The following MED23 variants were observed in gnomAD, a reference collection of about 807,000 sequenced individuals.
MED23 encodes the protein mediator complex subunit 23.
Under a neutral mutation model 163.9 loss-of-function variants are expected in MED23, and 105 were observed. That is an observed-to-expected ratio of 0.64 (90% CI 0.55 to 0.75). MED23 has a LOEUF of 0.75. Among genes scored for constraint, MED23 ranks in the 30% least tolerant of loss-of-function variants. The pLI is 0.00. For missense variants in MED23, 1,054 were observed against 1,649.0 expected, an observed-to-expected ratio of 0.64 and a Z score of 6.25; for synonymous variants, 561 against 565.6, an observed-to-expected ratio of 0.99 and a Z score of 0.12.
In MED23 at chr6:131,594,272, G is replaced by A. The variant is rs940423410; in HGVS notation, c.3059C>T (p.Ala1020Val). 1 of 1,614,104 alleles carries A rather than the reference G, an allele frequency of 6.2e-7. No individual in the cohort carries two copies. The highest frequency in any genetic ancestry group is 1.7e-5 in the Admixed American group (1 of 60,018). ...HYYEMHLRDR[A>V]FLKRKLVHAI... ...ATGGACGAGTTTTCGTTTGAGAAAT[G>A]CGCGGTCTCTCAGGTGCATTTCATA... Residue 1020 changes from alanine to valine, a missense_variant, in exon 23 of 29, where the codon GCA (alanine) becomes GTA (valine). Coordinates refer to ENST00000368068, the MANE Select transcript of MED23 (RefSeq NM_004830.4).
chr6:131,595,878 A>G, intron 22 of MED23, 69 bp downstream of exon 22: 2 of 1,161,648 alleles, frequency 1.7e-6, no homozygotes, highest in Non-Finnish European at 2.6e-6. Flanking sequence ...CACTATTACC[A>G]TGTGGTCCTG....
At position 131,627,673 on chromosome 6, in the gene MED23, C is replaced by CTA. The variant is rs774089938; in HGVS notation, c.40-2_40-1insTA. 21 of 1,481,840 alleles carry CTA rather than the reference C, an allele frequency of 1.4e-5. No individual in the cohort carries two copies. The South Asian group carries it at 2.4e-4, about 17-fold the overall frequency. The allele number at this position is 1,481,840 out of a possible 1,614,324, so 91.8% of individuals were successfully genotyped here. On this transcript the variant is annotated splice_acceptor_variant, in intron 1 of 28. Transcript: ENST00000368068. LOFTEE classifies it high-confidence loss of function. ...AAGCCTCTTCTATAACTTCCGTTTT[C>CTA]TGTAAAAAAAAAAAAAACAAAATGT...
At chr6:131,586,633 A>G, downstream of MED23, 1 of 624,918 alleles carries the variant, frequency 1.6e-6, no homozygotes, top group Non-Finnish European at 2.2e-6. Flanking sequence ...GGCCAATGTC[A>G]GTCACCAACT....
chr6:131,578,256 C>T (rs1006687536), intron 30 of MED23, among the ~76,000 whole-genome samples: 2 of 151,218 alleles, frequency 1.3e-5, no homozygotes, highest in Non-Finnish European at 1.5e-5. Context: ...GGACTTGTCC[C>T]TTAACTGACA....
At chr6:131,613,009 CAGG>C (rs1365076141) in intron 10 of MED23, among the ~76,000 whole-genome samples, 2 of 152,126 alleles carry the variant, frequency 1.3e-5, no homozygotes, top group East Asian at 3.9e-4. Flanking sequence ...AATATCTATT[CAGG>C]AGAAGTTGGG....
At chr6:131,577,891 G>C (rs182374446) in intron 30 of MED23, among the ~76,000 whole-genome samples, 1 of 145,336 alleles carries the variant, frequency 6.9e-6, no homozygotes, top group African/African-American at 2.6e-5. Context: ...GCGACAGAGC[G>C]AGACTCCATC....
intron 22 of MED23, 146 bp from the exon 23 acceptor site, chr6:131,594,481 T>C (rs1774893626): frequency 1.4e-6 from 1 of 732,514 alleles, no homozygotes; most frequent in Non-Finnish European, 2.5e-6. Context: ...ATACTATGAA[T>C]ATTTTAATCT....
In MED23 at chr6:131,581,279, G is replaced by A. The variant is rs2114539596; in HGVS notation, c.4095+6430C>T. The A allele has an allele frequency of 1.9e-6, 3 of 1,613,838 alleles. No homozygotes were observed. Among genetic ancestry groups the A allele is most frequent in the Non-Finnish European group, 2.5e-6 (3 of 1,179,830 alleles). Reference sequence around the variant, plus strand: ...TCCACCCTGATCTTGGAGTCATCTGGGTGGATGCTCACACTGATATCAACA... The same window carrying A: ...TCCACCCTGATCTTGGAGTCATCTGAGTGGATGCTCACACTGATATCAACA... On this transcript the variant is annotated intron_variant, in intron 30 of 30. Transcript: ENST00000354577.
chr6:131,610,334 A>C, intron 10 of MED23, 88 bp from the exon 11 acceptor site: 1 of 1,263,410 alleles, frequency 7.9e-7, no homozygotes, highest in Non-Finnish European at 1.1e-6. Context: ...TTGTAACAAG[A>C]GGCTGAGAAG....
chr6:131,582,863 A>G, downstream of MED23: 1 of 776,346 alleles, frequency 1.3e-6, no homozygotes, highest in South Asian at 1.5e-5. Context: ...ATACATGTAC[A>G]TACATATGTA....
At chr6:131,627,727 C>A in intron 1 of MED23, 55 bp from the exon 2 acceptor site, 4 of 1,514,630 alleles carry the variant, frequency 2.6e-6, no homozygotes, top group Non-Finnish European at 3.6e-6. Context: ...AAAGGCGCCT[C>A]CCTTAGCCAA....
intron 30 of MED23, chr6:131,576,740 T>C: frequency 6.2e-7 from 1 of 1,612,218 alleles, no homozygotes; most frequent in Non-Finnish European, 8.5e-7. Context: ...AACAAGGTAA[T>C]TTTTAAGTTG....
At chr6:131,627,820 T>C (rs1777629314) in intron 1 of MED23, 148 bp from the exon 2 acceptor site, 1 of 1,052,302 alleles carries the variant, frequency 9.5e-7, no homozygotes, top group African/African-American at 1.6e-5. Context: ...TGTATCGATT[T>C]CAAAGGATAC....
chr6:131,591,056 C>T (rs1305299340), intron 26 of MED23, among the ~76,000 whole-genome samples: 1 of 151,460 alleles, frequency 6.6e-6, no homozygotes. Context: ...TCTTGGTTCA[C>T]TGCAATTTCC....
At chr6:131,576,296 T>C (rs2114517671) in intron 30 of MED23, among the ~76,000 whole-genome samples, 1 of 152,364 alleles carries the variant, frequency 6.6e-6, no homozygotes. Flanking sequence ...TTATTGGATC[T>C]CATCTACCAG....
intron 15 of MED23, 124 bp from the exon 16 acceptor site, chr6:131,603,328 T>A (rs1244146374): frequency 1.4e-5 from 12 of 880,356 alleles, no homozygotes; most frequent in Non-Finnish European, 2.0e-5. Context: ...CCCACACACA[T>A]ATATATTCTC....
In MED23 at chr6:131,606,476, T is replaced by G; in HGVS notation, c.1367+3A>C. 1 of 1,612,758 alleles carries G rather than the reference T, an allele frequency of 6.2e-7. No homozygotes were observed. ...ATTAAGTATCAAGCAACAAATAACTTACTCATGGTGAAGTCTTAGGGAATG... is the reference window on the plus strand; with the variant it reads ...ATTAAGTATCAAGCAACAAATAACTGACTCATGGTGAAGTCTTAGGGAATG... On this transcript the variant is annotated splice_donor_region_variant and intron_variant, in intron 13 of 28. Coordinates refer to ENST00000368068, the MANE Select transcript of MED23 (RefSeq NM_004830.4).
intron 10 of MED23, among the ~76,000 whole-genome samples, chr6:131,613,197 A>G (rs984182009): frequency 1.3e-5 from 2 of 152,152 alleles, no homozygotes; most frequent in African/African-American, 2.4e-5. Context: ...ACACCACACT[A>G]TGTAAGAGCT....
At chr6:131,582,483 G>GTA (rs1033551549), downstream of MED23, 1 of 727,948 alleles carries the variant, frequency 1.4e-6, no homozygotes, top group Admixed American at 2.2e-5. Flanking sequence ...TCTTAATTGT[G>GTA]TATTATTTTT....
Sources: allele counts gnomAD v4.1 joint callset (sites outside exome capture counted in the v4.1 genomes callset), GRCh38; gene constraint gnomAD v4.1.1; transcripts MANE v1.5; gene names NCBI Gene and HGNC (gene_info 2026-07-23, HGNC 2026-07-21).